ARHGAP15: variants seen among roughly 807,000 people sequenced by gnomAD.
The protein encoded by ARHGAP15 is Rho GTPase activating protein 15.
ARHGAP15 carries 51 observed loss-of-function variants against 63.7 expected under a neutral mutation model. The observed-to-expected ratio is 0.80, with a 90% CI of 0.64 to 1.01. The LOEUF (loss-of-function observed/expected upper bound fraction) is 1.01. Ranked by LOEUF, ARHGAP15 falls within the 50% of genes least tolerant of loss-of-function variation. ARHGAP15 has a pLI of 0.00. For synonymous variants in ARHGAP15, 191 were observed against 193.8 expected, an observed-to-expected ratio of 0.99 and a Z score of 0.12; for missense variants, 560 against 564.6, an observed-to-expected ratio of 0.99 and a Z score of 0.08.
intron 8 of ARHGAP15, among the ~76,000 whole-genome samples, chr2:143,461,302 A>AAAAAAAAAAAAAT: frequency 6.6e-6 from 1 of 150,940 alleles, no homozygotes; most frequent in Admixed American, 6.6e-5. Flanking sequence ...AAAAAAAAAA[A>AAAAAAAAAAAAAT]AAAACAGAAC....
At chr2:143,588,822 CAGTTTAAA>C (rs1434414376) in intron 11 of ARHGAP15, among the ~76,000 whole-genome samples, 1 of 152,176 alleles carries the variant, frequency 6.6e-6, no homozygotes, top group African/African-American at 2.4e-5. Flanking sequence ...CTTTTCTGCC[CAGTTTAAA>C]CCCTCTGCTT....
intron 10 of ARHGAP15, among the ~76,000 whole-genome samples, chr2:143,539,391 C>G (rs1305357562): frequency 6.6e-6 from 1 of 151,988 alleles, no homozygotes; most frequent in Non-Finnish European, 1.5e-5. Flanking sequence ...CAGTTCTGCT[C>G]TGATCTTAGT....
chr2:143,608,652 C>T (rs1698135697), intron 11 of ARHGAP15: 1 of 152,104 alleles, frequency 6.6e-6, no homozygotes, highest in African/African-American at 2.4e-5. Flanking sequence ...TTCACAGATC[C>T]TCTTGTTTCT....
rs563729026 is a variant in ARHGAP15 at position 143,739,307 on chromosome 2, G to T, written c.1245-28682G>T. 2.6e-5 allele frequency among the ~76,000 whole-genome samples: 4 copies of T among 152,180 alleles called. No homozygotes were observed. The South Asian group carries it at 8.3e-4, about 32-fold the overall frequency. The stretch of plus-strand genomic sequence containing the variant: ...CTGCTGGGGTTCAAAGCTAGATTCT[G>T]GTCCTCATGGGAAATGAAAAGTAAA... On this transcript the variant is annotated intron_variant, in intron 13 of 13. Transcript: ENST00000295095.
chr2:143,471,221 C>CATATATGTGTGTATATAT (rs1338833620), intron 8 of ARHGAP15, among the ~76,000 whole-genome samples: 13 of 145,502 alleles, frequency 8.9e-5, no homozygotes, highest in African/African-American at 3.1e-4. Flanking sequence ...TATATACACA[C>CATATATGTGTGTATATAT]ACATGTGTAT....
intron 10 of ARHGAP15, among the ~76,000 whole-genome samples, chr2:143,538,242 T>A (rs1337422564): frequency 1.3e-5 from 2 of 152,208 alleles, no homozygotes; most frequent in African/African-American, 2.4e-5. Context: ...ATCCTGAGAC[T>A]TTGCTGAAGT....
chr2:143,466,336 AT>A (rs151312554), intron 8 of ARHGAP15, among the ~76,000 whole-genome samples: 10,188 of 150,480 alleles, frequency 0.068, 518 homozygotes, highest in East Asian at 0.21. Flanking sequence ...AATCAAGCCA[AT>A]TTTTTTTTCA....
At chr2:143,258,373 A>G (rs115535847) in intron 6 of ARHGAP15, among the ~76,000 whole-genome samples, 13 of 152,252 alleles carry the variant, frequency 8.5e-5, no homozygotes, top group African/African-American at 3.1e-4. Flanking sequence ...TAAGAAAATA[A>G]CAAAGCAAGC....
At chr2:143,227,760 T>G (rs1448527864) in intron 4 of ARHGAP15, among the ~76,000 whole-genome samples, 1 of 152,210 alleles carries the variant, frequency 6.6e-6, no homozygotes, top group Admixed American at 6.5e-5. Flanking sequence ...TTATATTTTA[T>G]GTATGGAATT....
intron 10 of ARHGAP15, among the ~76,000 whole-genome samples, chr2:143,521,450 T>G (rs1225794762): frequency 6.6e-6 from 1 of 152,194 alleles, no homozygotes; most frequent in African/African-American, 2.4e-5. Flanking sequence ...ATAAAGCATT[T>G]CAGGACAGAA....
chr2:143,307,332 G>T (rs571680162), intron 6 of ARHGAP15, among the ~76,000 whole-genome samples: 21 of 152,216 alleles, frequency 1.4e-4, no homozygotes, highest in Non-Finnish European at 2.2e-4. Context: ...TGTCTGTAGT[G>T]AAAAGAGAGG....
At chr2:143,698,922 T>A (rs1399565393) in intron 12 of ARHGAP15, among the ~76,000 whole-genome samples, 1 of 152,172 alleles carries the variant, frequency 6.6e-6, no homozygotes, top group Non-Finnish European at 1.5e-5. Context: ...CAAAGTCTTC[T>A]CAGAACCTTC....
At chr2:143,493,475 T>G (rs1355138887) in intron 9 of ARHGAP15, among the ~76,000 whole-genome samples, 1 of 152,250 alleles carries the variant, frequency 6.6e-6, no homozygotes, top group African/African-American at 2.4e-5. Context: ...CTCTATCATT[T>G]GCTTATAATC....
intron 2 of ARHGAP15, among the ~76,000 whole-genome samples, chr2:143,179,005 G>A (rs1374668102): frequency 6.6e-6 from 1 of 152,198 alleles, no homozygotes; most frequent in Non-Finnish European, 1.5e-5. Flanking sequence ...CATTTAGAAT[G>A]AGAAATGCTC....
chr2:143,651,146 A>C (rs146463575), intron 12 of ARHGAP15, among the ~76,000 whole-genome samples: 5 of 151,968 alleles, frequency 3.3e-5, no homozygotes, highest in Admixed American at 6.6e-5. Context: ...TTTGTTTGCT[A>C]TTGTTATGTG....
intron 1 of ARHGAP15, among the ~76,000 whole-genome samples, chr2:143,152,028 A>T (rs1451891526): frequency 6.6e-6 from 1 of 151,880 alleles, no homozygotes; most frequent in Non-Finnish European, 1.5e-5. Context: ...TTCATCCACA[A>T]AAAAACATTG....
chr2:143,188,644 ATTATTATTAT>A (rs1299526266), intron 2 of ARHGAP15, among the ~76,000 whole-genome samples: 3 of 142,140 alleles, frequency 2.1e-5, no homozygotes, highest in Non-Finnish European at 4.6e-5. Context: ...TATTATTATT[ATTATTATTAT>A]TTGTCTCCCA....
chr2:143,574,886 T>C (rs2105129821), intron 11 of ARHGAP15, among the ~76,000 whole-genome samples: 1 of 152,316 alleles, frequency 6.6e-6, no homozygotes, highest in East Asian at 1.9e-4. Flanking sequence ...CTGGATAAAA[T>C]GTGTTACCTT....
chr2:143,337,789 A>G (rs1684872879), intron 6 of ARHGAP15, among the ~76,000 whole-genome samples: 1 of 152,208 alleles, frequency 6.6e-6, no homozygotes, highest in Admixed American at 6.5e-5. Context: ...AATCCTACCA[A>G]AACACTGGAA....
Sources: gnomAD v4.1 joint callset for allele counts (sites outside exome capture counted in the v4.1 genomes callset) on GRCh38, gnomAD v4.1.1 for gene constraint, MANE v1.5 for transcripts, NCBI Gene and HGNC (gene_info 2026-07-23, HGNC 2026-07-21) for gene names.